The following ABCA13 variants were observed in gnomAD, a reference collection of about 807,000 sequenced individuals.
ABCA13 encodes ATP-binding cassette sub-family A member 13.
A neutral mutation model predicts 478.7 loss-of-function variants in ABCA13; 476 were observed. The observed-to-expected ratio is 0.99, with a 90% confidence interval of 0.92 to 1.07. The LOEUF (loss-of-function observed/expected upper bound fraction) is 1.07, where lower values mean the gene tolerates loss of function less well. Ranked by LOEUF, ABCA13 falls within the 50% of genes least tolerant of loss-of-function variation. ABCA13 has a pLI of 0.00. For missense variants in ABCA13, 6,060 were observed against 5,910.6 expected (o/e 1.03, Z -0.83); for synonymous variants, 2,252 against 2,158.9 (o/e 1.04, Z -1.20).
At chr7:48,280,194 A>G (rs903049107) in intron 18 of ABCA13, among the ~76,000 whole-genome samples, 26 of 152,350 alleles carry the variant, frequency 1.7e-4, no homozygotes, top group Admixed American at 2.6e-4. Flanking sequence ...CTCTTATTCT[A>G]TTCACTCATC....
intron 15 of ABCA13, among the ~76,000 whole-genome samples, chr7:48,268,301 C>T (rs1166447976): frequency 6.6e-6 from 1 of 152,012 alleles, no homozygotes; most frequent in Non-Finnish European, 1.5e-5. Flanking sequence ...GGATCACAGG[C>T]GCCCACCACC....
chr7:48,231,549 C>T lies in ABCA13; in HGVS notation c.763+1594C>T, dbSNP rs531866324. On this transcript the variant is annotated intron_variant, in intron 7 of 61. Transcript: ENST00000435803. ...TAGATCTGCATTATAGAAAGACACT[C>T]CTGGGCCGGTGTGAGGAGTAGATTG... 3.9e-5 allele frequency among the ~76,000 whole-genome samples: 6 copies of T among 152,236 alleles called. No homozygotes were observed. The South Asian group carries it at 1.0e-3, about 26-fold the overall frequency.
Position 48,481,045 on chromosome 7 carries a change from A to C in ABCA13, c.12985A>C (p.Asn4329His), listed in dbSNP as rs913351892. 5 of 1,591,206 alleles carry C rather than the reference A, an allele frequency of 3.1e-6. No individual in the cohort carries two copies. The African/African-American group carries it at 5.4e-5, about 17-fold the overall frequency. The stretch of plus-strand genomic sequence containing the variant: ...TTGAAAACAATTTCAGAAGTGTCCA[A>C]ATAGAAGTGCTAGTGCTCCCTACCT... ...QDSCGCLKCP[N>H]RSASAPYLTN... Residue 4329 changes from asparagine (N) to histidine (H), a missense_variant, in exon 46 of 62, where the codon AAT becomes CAT. Around this residue, in one of 3 missense-constraint regions of ABCA13, gnomAD observed 1,627 missense variants for 1,571.0 expected, o/e 1.04. Transcript: ENST00000435803.
At chr7:48,457,303 C>T (rs1825784799) in intron 43 of ABCA13, among the ~76,000 whole-genome samples, 1 of 151,702 alleles carries the variant, frequency 6.6e-6, no homozygotes, top group African/African-American at 2.4e-5. Context: ...ATTTCCACAT[C>T]ATATTTTGCT....
Position 48,361,325 on chromosome 7 carries a change from A to G in ABCA13, c.10689-6469A>G, listed in dbSNP as rs1281848068. Among the ~76,000 whole-genome samples the G allele has an allele frequency of 4.0e-5, 6 of 149,668 alleles. 1 individual carries two copies. Among genetic ancestry groups the G allele is most frequent in the African/African-American group, 1.5e-4 (6 of 40,286 alleles). ...GAAATTAAAGTCAAAAAATGAAACA[A>G]TTTTCTTCTCTCCCTTTCTCCCTAC... On this transcript the variant is annotated intron_variant, in intron 31 of 61. Coordinates refer to ENST00000435803, the MANE Select transcript of ABCA13 (RefSeq NM_152701.5).
Position 48,172,179 on chromosome 7 carries a change from T to A in ABCA13, c.69+627T>A, listed in dbSNP as rs1794169385. On this transcript the variant is annotated intron_variant, in intron 1 of 61. Coordinates refer to ENST00000435803, the MANE Select transcript of ABCA13 (RefSeq NM_152701.5). The stretch of plus-strand genomic sequence containing the variant: ...TTTTGTGAAATAGAAATCAATTGCT[T>A]GTTATTATGACTAACTTTATTCCTG... Among the ~76,000 whole-genome samples the A allele has an allele frequency of 2.6e-5, 4 of 152,256 alleles. No homozygotes were observed. In the South Asian group the frequency reaches 8.3e-4, roughly 31 times the overall value.
At chr7:48,314,567 C>T (rs1238654101) in intron 26 of ABCA13, among the ~76,000 whole-genome samples, 158 bp downstream of exon 26, 2 of 152,192 alleles carry the variant, frequency 1.3e-5, no homozygotes, top group Non-Finnish European at 2.9e-5. Flanking sequence ...TGGCAGCTGA[C>T]TTTGAACGGT....
rs557600592 is a variant in ABCA13 at position 48,580,285 on chromosome 7, C to T, written c.14416C>T (p.Gln4806Ter). 2.5e-6 allele frequency: 4 copies of T among 1,612,146 alleles called. No individual in the cohort carries two copies. Among genetic ancestry groups the T allele is most frequent in the Admixed American group, 3.3e-5 (2 of 59,764 alleles). Residue 4806 changes from glutamine (Q) to a stop codon, truncating the protein, a stop_gained, in exon 56 of 62, where the codon CAG (glutamine) becomes TAG (stop). Coordinates refer to ENST00000435803, the MANE Select transcript of ABCA13 (RefSeq NM_152701.5). LOFTEE classifies it high-confidence loss of function. ...CGTGCTCATTGGCTACTGTCCCCAG[C>T]AGGATGCCCTGGACGAGCTTCTGAC... Reference protein sequence around the residue: ...AGVLIGYCPQQDALDELLTGW... With the variant: ...AGVLIGYCPQ
chr7:48,281,559 G>A, intron 19 of ABCA13, 107 bp downstream of exon 19: 1 of 1,008,684 alleles, frequency 9.9e-7, no homozygotes. Context: ...TTAGAACAAA[G>A]CACAGCTGTC....
intron 1 of ABCA13, among the ~76,000 whole-genome samples, chr7:48,187,259 G>A (rs938541812): frequency 6.8e-6 from 1 of 146,748 alleles, no homozygotes; most frequent in Admixed American, 6.8e-5. Context: ...TCTCTTGTTA[G>A]GGAGTTGTCT....
Position 48,279,882 on chromosome 7 carries a change from G to C in ABCA13, c.8688G>C (p.Leu2896Phe), listed in dbSNP as rs764805631. The change falls in exon 18 of 62, where the codon TTG becomes TTC. Residue 2896 changes from leucine to phenylalanine, a missense_variant. By Grantham distance (22) the Leu-to-Phe change is conservative. Coordinates refer to ENST00000435803, the MANE Select transcript of ABCA13 (RefSeq NM_152701.5). ...LEKYLGGLFV[L>F]TKYWQQIPLT... is the part of the protein sequence containing the mutation. Reference sequence around the variant, plus strand: ...AATACCTGGGAGGATTATTTGTATTGACTAAATACTGGCAACAAATCCCAC... The same window carrying C: ...AATACCTGGGAGGATTATTTGTATTCACTAAATACTGGCAACAAATCCCAC... 10 of 1,529,472 alleles carry C rather than the reference G, an allele frequency of 6.5e-6. No individual in the cohort carries two copies. In the South Asian group the frequency reaches 1.3e-4, roughly 21 times the overall value. 94.7% of individuals were successfully genotyped at this position (1,529,472 alleles called of 1,614,324 possible). A position where few individuals can be genotyped will look rare whatever the true frequency, so the allele number is the denominator to read the frequency against.
At chr7:48,281,161 A>T (rs1223651354) in intron 18 of ABCA13, among the ~76,000 whole-genome samples, 182 bp from the exon 19 acceptor site, 1 of 152,196 alleles carries the variant, frequency 6.6e-6, no homozygotes, top group Admixed American at 6.5e-5. Flanking sequence ...GGAGACCTAA[A>T]GTTTTCTAAA....
chr7:48,534,436 T>C (rs1185405403), intron 55 of ABCA13, among the ~76,000 whole-genome samples: 1 of 152,222 alleles, frequency 6.6e-6, no homozygotes, highest in African/African-American at 2.4e-5. Flanking sequence ...TTAGATAACC[T>C]GATAACTATG....
At chr7:48,428,035 C>T (rs1563240631) in intron 42 of ABCA13, among the ~76,000 whole-genome samples, 164 bp downstream of exon 42, 1 of 150,490 alleles carries the variant, frequency 6.6e-6, no homozygotes, top group Non-Finnish European at 1.5e-5. Flanking sequence ...GCAAAAAAAA[C>T]GTTGAGTTTT....
At chr7:48,401,456 A>G (rs1817588198) in intron 38 of ABCA13, among the ~76,000 whole-genome samples, 1 of 152,198 alleles carries the variant, frequency 6.6e-6, no homozygotes, top group African/African-American at 2.4e-5. Flanking sequence ...TGAGCTTCCC[A>G]TAGCATGTTG....
At chr7:48,196,417 G>A (rs950518364) in intron 2 of ABCA13, among the ~76,000 whole-genome samples, 1 of 152,142 alleles carries the variant, frequency 6.6e-6, no homozygotes. Flanking sequence ...GCACGTTGAA[G>A]CTCCATCAAG....
At chr7:48,536,985 T>C (rs1249603080) in intron 55 of ABCA13, among the ~76,000 whole-genome samples, 4 of 152,080 alleles carry the variant, frequency 2.6e-5, no homozygotes, top group South Asian at 2.1e-4. Flanking sequence ...GCAAATTACT[T>C]ACATAGGATT....
chr7:48,327,264 G>T (rs2128923131), intron 27 of ABCA13, among the ~76,000 whole-genome samples: 1 of 152,262 alleles, frequency 6.6e-6, no homozygotes, highest in East Asian at 1.9e-4. Context: ...GAGAGAATGA[G>T]AAATGAACAA....
chr7:48,294,735 C>T (rs1425254507), intron 20 of ABCA13, among the ~76,000 whole-genome samples: 2 of 152,122 alleles, frequency 1.3e-5, no homozygotes, highest in South Asian at 2.1e-4. Context: ...CGTGAGCCAC[C>T]GCGCCCGGCC....
Sources: allele counts gnomAD v4.1 joint callset (sites outside exome capture counted in the v4.1 genomes callset), GRCh38; gene constraint gnomAD v4.1.1; regional missense constraint gnomAD v4.1.1; transcripts MANE v1.5; gene names NCBI Gene and HGNC (gene_info 2026-07-23, HGNC 2026-07-21).